The following TRPM3 variants were observed in gnomAD, a reference collection of about 807,000 sequenced individuals.
TRPM3 encodes the protein transient receptor potential cation channel subfamily M member 3, also known as long transient receptor potential channel 3.
TRPM3 carries 77 observed loss-of-function variants against 181.2 expected under a neutral mutation model. The observed-to-expected ratio is 0.42, with a 90% CI of 0.35 to 0.51. The LOEUF is 0.51. TRPM3 is among the 20% of genes least tolerant of loss of function. TRPM3 has a pLI of 0.01. For synonymous variants in TRPM3, 745 were observed against 796.4 expected, an observed-to-expected ratio of 0.94 and a Z score of 1.09; for missense variants, 1,759 against 2,196.7, an observed-to-expected ratio of 0.80 and a Z score of 3.98.
intron 1 of TRPM3, among the ~76,000 whole-genome samples, chr9:70,947,992 T>C (rs933145764): frequency 1.3e-5 from 2 of 152,200 alleles, no homozygotes; most frequent in African/African-American, 2.4e-5. Flanking sequence ...TTCCTGTTTT[T>C]CTGTTATTTA....
intron 1 of TRPM3, among the ~76,000 whole-genome samples, chr9:71,019,467 T>A (rs1362599909): frequency 6.6e-6 from 1 of 152,068 alleles, no homozygotes; most frequent in Non-Finnish European, 1.5e-5. Context: ...CTGAGTAAAA[T>A]TTTTTAAAGT....
intron 1 of TRPM3, among the ~76,000 whole-genome samples, chr9:71,309,222 C>G (rs1235887889): frequency 1.3e-5 from 2 of 152,174 alleles, no homozygotes; most frequent in Non-Finnish European, 2.9e-5. Context: ...TTTTTAATAG[C>G]TGTAACGTTT....
chr9:71,154,064 T>TAAC (rs1209184137), intron 1 of TRPM3, among the ~76,000 whole-genome samples: 2 of 151,966 alleles, frequency 1.3e-5, no homozygotes, highest in Non-Finnish European at 2.9e-5. Flanking sequence ...AATAAACAAA[T>TAAC]AACAACAACA....
intron 1 of TRPM3, among the ~76,000 whole-genome samples, chr9:71,157,303 A>C (rs929778523): frequency 6.6e-6 from 1 of 152,204 alleles, no homozygotes; most frequent in Admixed American, 6.6e-5. Context: ...ACTTTAAAAA[A>C]GTCAGAAGCA....
At chr9:71,237,044 C>CCA (rs2081389898) in intron 1 of TRPM3, among the ~76,000 whole-genome samples, 1 of 92,812 alleles carries the variant, frequency 1.1e-5, no homozygotes, top group African/African-American at 4.4e-5. Context: ...AAGACTCCAT[C>CCA]AAAAAAAAAA....
chr9:71,075,914 C>G (rs2063388937), intron 1 of TRPM3, among the ~76,000 whole-genome samples: 1 of 152,198 alleles, frequency 6.6e-6, no homozygotes. Context: ...ACATGAAACA[C>G]AAACAGGACA....
At chr9:70,684,454 G>C (rs2066254357) in intron 8 of TRPM3, among the ~76,000 whole-genome samples, 1 of 152,136 alleles carries the variant, frequency 6.6e-6, no homozygotes, top group South Asian at 2.1e-4. Flanking sequence ...GGGGAGGCTG[G>C]AGGCTCCAAA....
At chr9:71,081,322 C>T (rs903637519) in intron 1 of TRPM3, among the ~76,000 whole-genome samples, 26 of 152,142 alleles carry the variant, frequency 1.7e-4, no homozygotes, top group African/African-American at 6.0e-4. Context: ...GCCTGGATTC[C>T]ACTCCTGGCT....
intron 20 of TRPM3, 133 bp from the exon 21 acceptor site, chr9:70,598,803 T>C (rs1174910072): frequency 6.2e-6 from 7 of 1,133,650 alleles, no homozygotes; most frequent in Non-Finnish European, 8.7e-6. Flanking sequence ...AATACTTGCA[T>C]GCTGTAAAAG....
intron 1 of TRPM3, among the ~76,000 whole-genome samples, chr9:71,082,834 C>T (rs2064599860): frequency 6.6e-6 from 1 of 152,016 alleles, no homozygotes; most frequent in Non-Finnish European, 1.5e-5. Context: ...CAAGGAGAAT[C>T]ATGTAAAAAC....
intron 12 of TRPM3, among the ~76,000 whole-genome samples, chr9:70,628,818 T>TAAAAAAAAAAAAA (rs10699305): frequency 1.1e-5 from 1 of 89,536 alleles, no homozygotes. Context: ...GACTCTGTCT[T>TAAAAAAAAAAAAA]AAAAAAAAAA....
chr9:71,043,310 G>A (rs1351324262), intron 1 of TRPM3, among the ~76,000 whole-genome samples: 1 of 152,100 alleles, frequency 6.6e-6, no homozygotes, highest in African/African-American at 2.4e-5. Context: ...TGAAATTGGG[G>A]GCAGTTTCTG....
intron 1 of TRPM3, among the ~76,000 whole-genome samples, chr9:71,204,394 T>C (rs2078997549): frequency 6.6e-6 from 1 of 152,124 alleles, no homozygotes; most frequent in Non-Finnish European, 1.5e-5. Flanking sequence ...CATGAACAAG[T>C]AGGCAAAGGA....
intron 6 of TRPM3, chr9:70,826,420 A>T (rs556561949): frequency 6.6e-6 from 1 of 152,330 alleles, no homozygotes; most frequent in South Asian, 2.1e-4. Flanking sequence ...TTCCAAAGAC[A>T]GTTTGGGAAG....
chr9:70,925,371 T>C (rs527634005), intron 1 of TRPM3, among the ~76,000 whole-genome samples: 1 of 152,196 alleles, frequency 6.6e-6, no homozygotes, highest in Admixed American at 6.5e-5. Flanking sequence ...TGTATTACAC[T>C]AGACTTTTTT....
At chr9:71,381,753 A>C (rs1339688571) in intron 1 of TRPM3, among the ~76,000 whole-genome samples, 1 of 152,134 alleles carries the variant, frequency 6.6e-6, no homozygotes, top group Non-Finnish European at 1.5e-5. Flanking sequence ...AGCCCATACA[A>C]TTCACAACAC....
intron 1 of TRPM3, among the ~76,000 whole-genome samples, chr9:70,952,779 G>C (rs1410207380): frequency 1.3e-5 from 2 of 152,140 alleles, no homozygotes; most frequent in Admixed American, 1.3e-4. Flanking sequence ...GGATAGGTAA[G>C]TAGGAACCAG....
At position 70,915,526 on chromosome 9, in the gene TRPM3, T is replaced by C. The variant is rs369524885; in HGVS notation, c.178-51015A>G. ...TTCACCGTGTTAGCCAGGATGGTCT[T>C]GATCTCCTGACTTTGTGATCTGCCC... On this transcript the variant is annotated intron_variant, in intron 1 of 25. Transcript: ENST00000677713. Among the ~76,000 whole-genome samples the C allele has an allele frequency of 2.2e-3, 329 of 151,644 alleles. 1 individual carries two copies. Among genetic ancestry groups the C allele is most frequent in the Non-Finnish European group, 3.4e-3 (231 of 67,856 alleles).
chr9:70,768,334 TC>T (rs1281215528), intron 7 of TRPM3, among the ~76,000 whole-genome samples: 1 of 152,210 alleles, frequency 6.6e-6, no homozygotes, highest in Non-Finnish European at 1.5e-5. Flanking sequence ...ACCAGGTATT[TC>T]TTTTAGGCCT....
Sources: gnomAD v4.1 joint callset for allele counts (sites outside exome capture counted in the v4.1 genomes callset) on GRCh38, gnomAD v4.1.1 for gene constraint, MANE v1.5 for transcripts, NCBI Gene and HGNC (gene_info 2026-07-23, HGNC 2026-07-21) for gene names.